SEMA3E: variants seen among roughly 807,000 people sequenced by gnomAD.
SEMA3E encodes the protein semaphorin 3E.
In SEMA3E, 49 loss-of-function variants were observed where a neutral mutation model predicts 93.6. The observed-to-expected ratio is 0.52, with a 90% CI of 0.42 to 0.66. SEMA3E has a LOEUF of 0.66. SEMA3E is among the 30% of genes least tolerant of loss of function. The pLI is 0.00. For missense variants in SEMA3E, 906 were observed against 964.8 expected (o/e 0.94, Z 0.81); for synonymous variants, 363 against 330.7 (o/e 1.10, Z -1.06).
chr7:83,402,885 G>T (rs1052497881), intron 9 of SEMA3E, 109 bp from the exon 10 acceptor site: 8 of 1,049,906 alleles, frequency 7.6e-6, no homozygotes, highest in Middle Eastern at 2.5e-4. Flanking sequence ...TAAAGTGGTT[G>T]CAATTTCTTT....
Position 83,367,559 on chromosome 7 carries a change from C to T in SEMA3E, c.*27G>A. 1 of 1,608,640 alleles carries T rather than the reference C, an allele frequency of 6.2e-7. No individual in the cohort carries two copies. The highest frequency in any genetic ancestry group is 8.5e-7 in the Non-Finnish European group (1 of 1,175,216). Reference sequence around the variant, plus strand: ...TTTTACTTTCCAAATATAAATTCTTCAAAAGACAGTAGATAGTCTCACCCC... The same window carrying T: ...TTTTACTTTCCAAATATAAATTCTTTAAAAGACAGTAGATAGTCTCACCCC... On this transcript the variant is annotated 3_prime_UTR_variant, in exon 17 of 17. Transcript: ENST00000643230.
In SEMA3E at chr7:83,365,298, G is replaced by C. The variant is rs1280136951; in HGVS notation, c.*2288C>G. The C allele has an allele frequency of 6.6e-6, 1 of 151,984 alleles. No homozygotes were observed. Among genetic ancestry groups the C allele is most frequent in the Non-Finnish European group, 1.5e-5 (1 of 67,984 alleles). 9.4% of individuals were successfully genotyped at this position (151,984 alleles called of 1,614,324 possible). A position where few individuals can be genotyped will look rare whatever the true frequency, so the allele number is the denominator to read the frequency against. ...CTTCAGTACTGCCATAAACAGGCGG[G>C]AAGCAAGATTATATACATATATATG... On this transcript the variant is annotated 3_prime_UTR_variant, in exon 17 of 17. Transcript: ENST00000643230.
At chr7:83,439,994 T>C (rs899850665) in intron 4 of SEMA3E, among the ~76,000 whole-genome samples, 1 of 151,594 alleles carries the variant, frequency 6.6e-6, no homozygotes. Flanking sequence ...CAATGTGCAC[T>C]TCACCACTCT....
chr7:83,559,896 C>T (rs190715808), intron 1 of SEMA3E, among the ~76,000 whole-genome samples: 20 of 152,036 alleles, frequency 1.3e-4, no homozygotes, highest in African/African-American at 4.8e-4. Context: ...ACAGCAACAA[C>T]AACAAACCTA....
chr7:83,488,627 T>C (rs1790317082), intron 2 of SEMA3E, among the ~76,000 whole-genome samples: 2 of 152,186 alleles, frequency 1.3e-5, no homozygotes, highest in Non-Finnish European at 2.9e-5. Context: ...CACTGGACTC[T>C]GTATCCTTCT....
chr7:83,370,822 T>C (rs1275976547), intron 16 of SEMA3E, among the ~76,000 whole-genome samples: 2 of 152,268 alleles, frequency 1.3e-5, no homozygotes, highest in East Asian at 3.9e-4. Context: ...ATTTCCTGTG[T>C]CATCTTTCCC....
intron 1 of SEMA3E, among the ~76,000 whole-genome samples, chr7:83,541,043 A>G (rs970706433): frequency 6.6e-6 from 1 of 152,202 alleles, no homozygotes; most frequent in Non-Finnish European, 1.5e-5. Context: ...ACAACTGAGT[A>G]CTTTCAGATG....
intron 4 of SEMA3E, among the ~76,000 whole-genome samples, chr7:83,425,476 A>T (rs73707831): frequency 1.3e-5 from 2 of 152,142 alleles, no homozygotes; most frequent in African/African-American, 2.4e-5. Context: ...AGTCCCAGCC[A>T]TCAATTCTGT....
chr7:83,533,160 A>T, intron 1 of SEMA3E, among the ~76,000 whole-genome samples: 1 of 152,048 alleles, frequency 6.6e-6, no homozygotes, highest in East Asian at 1.9e-4. Flanking sequence ...TTAGGGTATC[A>T]TGTGCAGTCC....
chr7:83,487,682 C>CGTGTGTGTGTGA (rs373059714), intron 2 of SEMA3E, among the ~76,000 whole-genome samples: 4 of 144,434 alleles, frequency 2.8e-5, no homozygotes, highest in African/African-American at 1.0e-4. Flanking sequence ...GGCAGGAGGT[C>CGTGTGTGTGTGA]GTGTGTGTGT....
chr7:83,637,203 GA>G (rs1399260348), intron 1 of SEMA3E, among the ~76,000 whole-genome samples: 1 of 151,954 alleles, frequency 6.6e-6, no homozygotes, highest in Non-Finnish European at 1.5e-5. Flanking sequence ...AACCAATATT[GA>G]TACATTATTA....
intron 1 of SEMA3E, among the ~76,000 whole-genome samples, chr7:83,577,810 G>T (rs923825804): frequency 2.6e-5 from 4 of 151,836 alleles, no homozygotes; most frequent in African/African-American, 9.7e-5. Flanking sequence ...TCTCAATTCA[G>T]AATATTGAAA....
intron 5 of SEMA3E, among the ~76,000 whole-genome samples, chr7:83,412,219 T>C (rs1299784328): frequency 6.6e-6 from 1 of 152,148 alleles, no homozygotes; most frequent in Non-Finnish European, 1.5e-5. Flanking sequence ...ACTTTTTTAG[T>C]GTAGTGGTTC....
chr7:83,470,869 T>A (rs1175650441), intron 2 of SEMA3E, among the ~76,000 whole-genome samples: 220 of 148,616 alleles, frequency 1.5e-3, no homozygotes, highest in African/African-American at 4.0e-3. Context: ...TTTCTTTTTT[T>A]TTTTTTTTTG....
chr7:83,375,463 A>C (rs1299462272), intron 16 of SEMA3E, among the ~76,000 whole-genome samples: 1 of 152,100 alleles, frequency 6.6e-6, no homozygotes, highest in East Asian at 1.9e-4. Context: ...GTTCAATATT[A>C]TAGCTATTCT....
intron 4 of SEMA3E, 84 bp downstream of exon 4, chr7:83,466,398 G>T: frequency 6.7e-7 from 1 of 1,484,316 alleles, no homozygotes; most frequent in Non-Finnish European, 9.4e-7. Context: ...TATCTTTCTT[G>T]GGAAGAAATG....
intron 1 of SEMA3E, among the ~76,000 whole-genome samples, chr7:83,611,548 T>C (rs1370316045): frequency 6.6e-6 from 1 of 151,176 alleles, no homozygotes; most frequent in East Asian, 1.9e-4. Context: ...GCCTTCCCCA[T>C]CAGGAAATGA....
rs571580342 is a variant in SEMA3E, at chr7:83,423,845, C to T, written c.457-5362G>A. Among the ~76,000 whole-genome samples the T allele has an allele frequency of 1.2e-3, 186 of 152,224 alleles. 1 individual carries two copies. Among genetic ancestry groups the T allele is most frequent in the African/African-American group, 4.4e-3 (181 of 41,538 alleles). The stretch of plus-strand genomic sequence containing the variant: ...AAAATAGGGTACAGTGTATACTGCT[C>T]AGGTGATGGGTGCATCAAAATCTCA... On this transcript the variant is annotated intron_variant, in intron 4 of 16. Transcript: ENST00000643230.
Position 83,472,591 on chromosome 7 carries a change from G to A in SEMA3E, c.277-3289C>T, listed in dbSNP as rs559843920. On this transcript the variant is annotated intron_variant, in intron 2 of 16. Coordinates refer to ENST00000643230, the MANE Select transcript of SEMA3E (RefSeq NM_012431.3). ...TCTTAAGTTCCCTCGGAATTTCAAG[G>A]GAGCACCATCTGATGTATCAATTTC... Among the ~76,000 whole-genome samples, 16 of 152,254 alleles carry A rather than the reference G, an allele frequency of 1.1e-4. No individual in the cohort carries two copies. In the East Asian group the frequency reaches 3.1e-3, roughly 29 times the overall value.
Sources: gnomAD v4.1 joint callset for allele counts (sites outside exome capture counted in the v4.1 genomes callset) on GRCh38, gnomAD v4.1.1 for gene constraint, MANE v1.5 for transcripts, NCBI Gene and HGNC (gene_info 2026-07-23, HGNC 2026-07-21) for gene names.